The following ZEB1 variants were observed in gnomAD, a reference collection of about 807,000 sequenced individuals.
The protein encoded by ZEB1 is zinc finger E-box binding homeobox 1.
ZEB1 carries 21 observed loss-of-function variants against 84.9 expected under a neutral mutation model. The ratio of observed to expected loss-of-function variants is 0.25; its 90% CI spans 0.18 to 0.36. The LOEUF (loss-of-function observed/expected upper bound fraction) is 0.36, where lower values mean the gene tolerates loss of function less well. Among genes scored for constraint, ZEB1 ranks in the 10% least tolerant of loss-of-function variants. ZEB1 has a pLI of 1.00. For synonymous variants in ZEB1, 420 were observed against 471.1 expected (o/e 0.89, Z 1.41); for missense variants, 1,104 against 1,330.2 (o/e 0.83, Z 2.65).
chr10:31,384,745 C>T (rs2048322327), intron 1 of ZEB1, among the ~76,000 whole-genome samples: 1 of 152,152 alleles, frequency 6.6e-6, no homozygotes, highest in Non-Finnish European at 1.5e-5. Flanking sequence ...GGAAATGAGG[C>T]AAGGGATCCA....
At chr10:31,474,042 C>G (rs2063689921) in intron 2 of ZEB1, among the ~76,000 whole-genome samples, 1 of 152,100 alleles carries the variant, frequency 6.6e-6, no homozygotes, top group African/African-American at 2.4e-5. Flanking sequence ...TTCCTTACAC[C>G]TTATACAAAA....
chr10:31,438,772 A>G (rs2058562782), intron 1 of ZEB1, among the ~76,000 whole-genome samples: 2 of 152,234 alleles, frequency 1.3e-5, no homozygotes, highest in African/African-American at 2.4e-5. Flanking sequence ...TGAGCCTAGC[A>G]GTACACAGGT....
chr10:31,467,388 T>G (rs2062575241), intron 2 of ZEB1, among the ~76,000 whole-genome samples: 1 of 152,016 alleles, frequency 6.6e-6, no homozygotes, highest in African/African-American at 2.4e-5. Flanking sequence ...CACACCAGGA[T>G]AGAGTGGGGC....
chr10:31,452,341 A>C (rs1391565627), intron 1 of ZEB1, among the ~76,000 whole-genome samples: 2 of 152,020 alleles, frequency 1.3e-5, no homozygotes, highest in Non-Finnish European at 2.9e-5. Context: ...AGTAAAATAT[A>C]TATAGACAGT....
chr10:31,351,696 T>TA (rs1160504418), intron 1 of ZEB1, among the ~76,000 whole-genome samples: 1 of 152,308 alleles, frequency 6.6e-6, no homozygotes, highest in East Asian at 1.9e-4. Flanking sequence ...AACTAATCCT[T>TA]ATTTTTGTAA....
intron 1 of ZEB1, among the ~76,000 whole-genome samples, chr10:31,447,381 G>A (rs1180150256): frequency 2.3e-5 from 3 of 128,114 alleles, no homozygotes; most frequent in East Asian, 2.2e-4. Context: ...TTGCCAGTCT[G>A]TGTCTTTTAA....
intron 1 of ZEB1, chr10:31,321,456 A>G: frequency 1.9e-6 from 3 of 1,613,924 alleles, no homozygotes; most frequent in Non-Finnish European, 2.5e-6. Context: ...TGCAATTTTA[A>G]TTTCCTGTTT....
intron 1 of ZEB1, chr10:31,387,923 G>A: frequency 4.6e-6 from 1 of 216,658 alleles, no homozygotes; most frequent in Non-Finnish European, 7.9e-6. Context: ...TTCAGGAAAT[G>A]AAGAATAAAT....
intron 1 of ZEB1, among the ~76,000 whole-genome samples, chr10:31,393,223 T>G (rs1282095978): frequency 1.3e-5 from 2 of 152,176 alleles, no homozygotes; most frequent in African/African-American, 2.4e-5. Flanking sequence ...GAAAATGGTA[T>G]TGACTTCTGA....
At chr10:31,432,995 G>A (rs1427819228) in intron 1 of ZEB1, among the ~76,000 whole-genome samples, 2 of 152,026 alleles carry the variant, frequency 1.3e-5, no homozygotes, top group African/African-American at 2.4e-5. Flanking sequence ...TAGTTAGTTG[G>A]AATTAGCCTT....
intron 1 of ZEB1, among the ~76,000 whole-genome samples, chr10:31,436,404 T>C (rs2058302671): frequency 6.6e-6 from 1 of 151,040 alleles, no homozygotes; most frequent in Non-Finnish European, 1.5e-5. Context: ...GTTTTGTTTT[T>C]TTGTAAGGAC....
In ZEB1 at chr10:31,396,207, T is replaced by C. The variant is rs1482033075; in HGVS notation, c.59-64830T>C. ...GAAACCATTGAAGTTAATTCATTTA[T>C]TTAATAATTACTTATGAAATATGTC... On this transcript the variant is annotated intron_variant, in intron 1 of 8. Transcript: ENST00000424869. 5.9e-5 allele frequency among the ~76,000 whole-genome samples: 9 copies of C among 152,358 alleles called. No homozygotes were observed. The East Asian group carries it at 1.7e-3, about 29-fold the overall frequency.
chr10:31,457,609 T>C lies in ZEB1; in HGVS notation c.59-3428T>C, dbSNP rs369096831. Among the ~76,000 whole-genome samples the C allele has an allele frequency of 1.9e-3, 286 of 152,236 alleles. 6 individuals are homozygous for C. The highest frequency in any genetic ancestry group is 6.6e-3 in the African/African-American group (275 of 41,560). ...ATATATACAATCTCTGTGTTTTGGA[T>C]TTATGACATAATCTATCTTACAATG... is the stretch of plus-strand genomic sequence containing the variant. On this transcript the variant is annotated intron_variant, in intron 1 of 8. Transcript: ENST00000424869.
intron 1 of ZEB1, among the ~76,000 whole-genome samples, chr10:31,347,164 A>G (rs1310891701): frequency 7.2e-5 from 11 of 152,154 alleles, no homozygotes; most frequent in Admixed American, 7.2e-4. Flanking sequence ...CCTATGAGGA[A>G]GAAAATGAAT....
At chr10:31,328,812 A>G (rs1305379760) in intron 1 of ZEB1, among the ~76,000 whole-genome samples, 3 of 152,140 alleles carry the variant, frequency 2.0e-5, no homozygotes, top group Non-Finnish European at 2.9e-5. Context: ...ACATAAATCA[A>G]AGAACTCAAG....
chr10:31,492,502 C>T (rs1048885638), intron 2 of ZEB1, among the ~76,000 whole-genome samples: 1 of 151,690 alleles, frequency 6.6e-6, no homozygotes, highest in Non-Finnish European at 1.5e-5. Context: ...CAATATTTAA[C>T]CTCATCATAA....
intron 3 of ZEB1, among the ~76,000 whole-genome samples, chr10:31,500,866 A>G (rs776489985): frequency 5.3e-5 from 8 of 152,218 alleles, no homozygotes; most frequent in Non-Finnish European, 1.0e-4. Flanking sequence ...TCTGGATCCA[A>G]TAATCCCAAT....
intron 1 of ZEB1, among the ~76,000 whole-genome samples, chr10:31,408,242 AG>A (rs2053529205): frequency 6.6e-6 from 1 of 150,622 alleles, no homozygotes; most frequent in Non-Finnish European, 1.5e-5. Context: ...AGGAAATAAA[AG>A]AGGATACAAA....
intron 1 of ZEB1, among the ~76,000 whole-genome samples, chr10:31,378,820 G>A (rs941785998): frequency 1.3e-5 from 2 of 151,958 alleles, no homozygotes; most frequent in African/African-American, 4.8e-5. Context: ...TATAAGAGGG[G>A]ATACATGATA....
Sources: allele counts gnomAD v4.1 joint callset (sites outside exome capture counted in the v4.1 genomes callset), GRCh38; gene constraint gnomAD v4.1.1; transcripts MANE v1.5; gene names NCBI Gene and HGNC (gene_info 2026-07-23, HGNC 2026-07-21).